The following ADGRG4 variants were observed in gnomAD, a reference collection of about 807,000 sequenced individuals.
ADGRG4 encodes the protein adhesion G protein-coupled receptor G4, also known as G protein-coupled receptor 112.
Under a neutral mutation model 126.2 loss-of-function variants are expected in ADGRG4, and 122 were observed. The ratio of observed to expected loss-of-function variants is 0.97; its 90% CI spans 0.83 to 1.12. The LOEUF (loss-of-function observed/expected upper bound fraction) is 1.12. Among genes scored for constraint, ADGRG4 ranks in the 50% most tolerant of loss-of-function variants. The probability of loss-of-function intolerance (pLI) is 0.00; values close to 1 mark genes in which losing one functional copy is unlikely to be tolerated. For synonymous variants in ADGRG4, 943 were observed against 838.7 expected, an observed-to-expected ratio of 1.12 and a Z score of -2.15; for missense variants, 2,481 against 2,251.8, an observed-to-expected ratio of 1.10 and a Z score of -2.06.
intron 10 of ADGRG4, among the ~76,000 whole-genome samples, chrX:136,358,210 C>A: frequency 9.0e-6 from 1 of 110,658 alleles, no homozygotes; most frequent in Middle Eastern, 4.6e-3. Context: ...ATGAAGAGGT[C>A]TTTGAAATGG....
chrX:136,376,379 T>C (rs1285700387), intron 15 of ADGRG4, among the ~76,000 whole-genome samples: 1 of 111,832 alleles, frequency 8.9e-6, no homozygotes, highest in African/African-American at 3.2e-5. Context: ...TTTGGCTATG[T>C]GGACTTTTTT....
Position 136,347,972 on chromosome X carries a change from C to T in ADGRG4, c.4266C>T (p.Ser1422=), listed in dbSNP as rs1459888679. Reference sequence around the variant, plus strand: ...CATTTGTAGATACCACAACTTCCAGCTCAACAAGGATATCAAATCCTATGG... The same window carrying T: ...CATTTGTAGATACCACAACTTCCAGTTCAACAAGGATATCAAATCCTATGG... The part of the protein sequence containing the change: ...DTSFVDTTTS[S]STRISNPMDI... Residue 1422 remains serine (S), a synonymous_variant, in exon 6 of 26, where the codon AGC becomes AGT. Transcript: ENST00000394143. 2 of 1,210,088 alleles carry T rather than the reference C, an allele frequency of 1.7e-6. No individual in the cohort carries two copies. The highest frequency in any genetic ancestry group is 2.2e-6 in the Non-Finnish European group (2 of 893,950).
At chrX:136,398,683 G>A (rs762540157) in intron 20 of ADGRG4, among the ~76,000 whole-genome samples, 8 of 112,317 alleles carry the variant, frequency 7.1e-5, no homozygotes, top group Non-Finnish European at 1.5e-4. Flanking sequence ...TAGTGGGAAT[G>A]TAAAATGGTT....
chrX:136,338,946 T>C (rs1012395220), intron 5 of ADGRG4, among the ~76,000 whole-genome samples: 3 of 111,345 alleles, frequency 2.7e-5, no homozygotes, highest in African/African-American at 9.8e-5. Context: ...TGTTATTTCA[T>C]CTTGCTTGGT....
At position 136,347,670 on chromosome X, in the gene ADGRG4, A is replaced by G; in HGVS notation, c.3964A>G (p.Thr1322Ala). 1 of 1,209,759 alleles carries G rather than the reference A, an allele frequency of 8.3e-7. No individual in the cohort carries two copies. The highest frequency in any genetic ancestry group is 1.1e-6 in the Non-Finnish European group (1 of 894,450). Reference sequence around the variant, plus strand: ...TTCGCCTTCAGAGATTCCACTTGGGACTCCCTCTGATGGAAATTTGGCTTC... The same window carrying G: ...TTCGCCTTCAGAGATTCCACTTGGGGCTCCCTCTGATGGAAATTTGGCTTC... ...THSPSEIPLG[T>A]PSDGNLASSP... The change falls in exon 6 of 26, where the codon ACT becomes GCT. Residue 1322 changes from threonine (T) to alanine (A), a missense_variant. By Grantham distance (58) the Thr-to-Ala change is moderately conservative (BLOSUM62 0). Coordinates refer to ENST00000394143, the MANE Select transcript of ADGRG4 (RefSeq NM_153834.4).
Position 136,414,287 on chromosome X carries a change from C to T in ADGRG4, c.9165C>T (p.Gly3055=), listed in dbSNP as rs757021019. 5.0e-6 allele frequency: 6 copies of T among 1,206,975 alleles called. No individual in the cohort carries two copies. The South Asian group carries it at 7.1e-5, about 14-fold the overall frequency. ...CTAGCTCCACTTTCAAATCTTTAGG[C>T]TCTGCACAAGGCACACCTTCAGAAA... ...TATSSTFKSL[G]SAQGTPSEIS... The change falls in exon 25 of 26, where the codon GGC becomes GGT. Residue 3055 remains glycine (G), a synonymous_variant. Transcript: ENST00000394143.
intron 13 of ADGRG4, among the ~76,000 whole-genome samples, chrX:136,367,223 A>G (rs944441461): frequency 8.9e-6 from 1 of 112,276 alleles, no homozygotes; most frequent in Non-Finnish European, 1.9e-5. Flanking sequence ...ATTGGCCTTG[A>G]AGCAGTGAAC....
chrX:136,303,056 C>T (rs974928854), intron 1 of ADGRG4, among the ~76,000 whole-genome samples: 3 of 111,768 alleles, frequency 2.7e-5, no homozygotes, highest in Non-Finnish European at 5.6e-5. Flanking sequence ...TGCAGTGGCT[C>T]ACAGCTGTTA....
chrX:136,388,988 C>A (rs746453450), intron 16 of ADGRG4, among the ~76,000 whole-genome samples: 2 of 111,973 alleles, frequency 1.8e-5, no homozygotes, highest in Non-Finnish European at 3.8e-5. Context: ...GGTCAAATAT[C>A]CACATTTCTT....
chrX:136,360,294 C>A (rs2075119829), intron 11 of ADGRG4, among the ~76,000 whole-genome samples: 1 of 111,516 alleles, frequency 9.0e-6, no homozygotes, highest in South Asian at 3.9e-4. Flanking sequence ...GGAAATATTT[C>A]CAGAATCAGG....
At chrX:136,357,886 C>T in intron 10 of ADGRG4, 130 bp downstream of exon 10, 1 of 475,738 alleles carries the variant, frequency 2.1e-6, no homozygotes, top group Non-Finnish European at 3.7e-6. Flanking sequence ...GTGATTATTT[C>T]ACATATGCTG....
In ADGRG4 at chrX:136,395,491, A is replaced by C. The variant is rs767295514; in HGVS notation, c.8182A>C (p.Met2728Leu). The C allele has an allele frequency of 3.6e-6, 4 of 1,101,254 alleles. No homozygotes were observed. In the South Asian group the frequency reaches 7.6e-5, roughly 21 times the overall value. 90.8% of individuals were successfully genotyped at this position (1,101,254 alleles called of 1,213,427 possible). The part of the protein sequence containing the change: ...CDHLTHFGVL[M>L]DLSRSTVDSV... ...CCACCTCACCCATTTTGGAGTCTTA[A>C]TGGTGAGTTGTCTCTTAGTCACTCC... Residue 2728 changes from methionine to leucine, a missense_variant and splice_region_variant, in exon 19 of 26, where the codon ATG (methionine) becomes CTG (leucine). Met to Leu is a conservative substitution (Grantham distance 15). Coordinates refer to ENST00000394143, the MANE Select transcript of ADGRG4 (RefSeq NM_153834.4).
At chrX:136,395,517 T>G in intron 19 of ADGRG4, 24 bp downstream of exon 19, 1 of 921,089 alleles carries the variant, frequency 1.1e-6, no homozygotes, top group Non-Finnish European at 1.6e-6. Flanking sequence ...TAGTCACTCC[T>G]CGATGGAAGT....
At chrX:136,352,869 C>G (rs1269946621) in intron 7 of ADGRG4, among the ~76,000 whole-genome samples, 1 of 112,144 alleles carries the variant, frequency 8.9e-6, no homozygotes, top group Admixed American at 9.5e-5. Context: ...TTTATTTTCT[C>G]ACAGTTCTGG....
At chrX:136,306,714 CTTTTT>C (rs57109734) in intron 3 of ADGRG4, among the ~76,000 whole-genome samples, 1 of 97,853 alleles carries the variant, frequency 1.0e-5, no homozygotes. Context: ...TACCTTATTC[CTTTTT>C]TTTTTTTTTT....
chrX:136,405,781 C>T lies in ADGRG4; in HGVS notation c.8744C>T (p.Thr2915Ile), dbSNP rs778098007. 1 of 1,207,487 alleles carries T rather than the reference C, an allele frequency of 8.3e-7. No individual in the cohort carries two copies. The highest frequency in any genetic ancestry group is 2.2e-5 in the Admixed American group (1 of 45,719). ...IFLMNLSMFC[T>I]VLVQLNSVKS... ...CTCATGAATCTCTCCATGTTCTGCA[C>T]TGTTCTTGTTCAACTGAATTCTGTG... The change falls in exon 23 of 26, where the codon ACT (threonine) becomes ATT (isoleucine). Residue 2915 changes from threonine to isoleucine, a missense_variant. Transcript: ENST00000394143.
At chrX:136,352,440 A>G (rs1158447983) in intron 7 of ADGRG4, among the ~76,000 whole-genome samples, 1 of 110,575 alleles carries the variant, frequency 9.0e-6, no homozygotes, top group Non-Finnish European at 1.9e-5. Flanking sequence ...TTGAGGCAAA[A>G]GGATTGCGTG....
chrX:136,367,123 T>A (rs1336768523), intron 13 of ADGRG4, among the ~76,000 whole-genome samples: 1 of 111,939 alleles, frequency 8.9e-6, no homozygotes, highest in Non-Finnish European at 1.9e-5. Context: ...TTGCCAGACA[T>A]GGTTCTACTG....
intron 15 of ADGRG4, among the ~76,000 whole-genome samples, chrX:136,385,163 A>C (rs2148489229): frequency 9.0e-6 from 1 of 111,545 alleles, no homozygotes; most frequent in South Asian, 3.8e-4. Context: ...ATCTACCTTT[A>C]AATTTGCAGA....
Sources: gnomAD v4.1 joint callset for allele counts (sites outside exome capture counted in the v4.1 genomes callset) on GRCh38, gnomAD v4.1.1 for gene constraint, MANE v1.5 for transcripts, NCBI Gene and HGNC (gene_info 2026-07-23, HGNC 2026-07-21) for gene names.